MINDY2: variants seen among roughly 807,000 people sequenced by gnomAD.
MINDY2 encodes MINDY lysine 48 deubiquitinase 2.
MINDY2 carries 52 observed loss-of-function variants against 68.2 expected under a neutral mutation model. The observed-to-expected ratio is 0.76, with a 90% CI of 0.61 to 0.96. The LOEUF (loss-of-function observed/expected upper bound fraction) is 0.96, where lower values mean the gene tolerates loss of function less well. Ranked by LOEUF, MINDY2 falls within the 40% of genes least tolerant of loss-of-function variation. The probability of loss-of-function intolerance (pLI) is 0.00; values close to 1 mark genes in which losing one functional copy is unlikely to be tolerated. For missense variants in MINDY2, 881 were observed against 773.4 expected, an observed-to-expected ratio of 1.14 and a Z score of -1.65; for synonymous variants, 372 against 303.0, an observed-to-expected ratio of 1.23 and a Z score of -2.36.
chr15:58,853,481 C>T (rs2032930263), intron 8 of MINDY2, among the ~76,000 whole-genome samples: 1 of 152,080 alleles, frequency 6.6e-6, no homozygotes, highest in African/African-American at 2.4e-5. Context: ...ACTAAATACA[C>T]TTATTCCAAA....
chr15:58,773,868 G>A (rs936485676), intron 1 of MINDY2, among the ~76,000 whole-genome samples: 2 of 152,148 alleles, frequency 1.3e-5, no homozygotes, highest in Non-Finnish European at 2.9e-5. Context: ...CATGACAGAA[G>A]TGGTAAGCTA....
At chr15:58,787,735 T>TAA (rs1901603578) in intron 1 of MINDY2, among the ~76,000 whole-genome samples, 171 bp from the exon 2 acceptor site, 1 of 59,872 alleles carries the variant, frequency 1.7e-5, no homozygotes. Context: ...AGAGTCCGTC[T>TAA]CAAAAAAAAA....
At chr15:58,800,406 A>G (rs1902563691) in intron 2 of MINDY2, among the ~76,000 whole-genome samples, 1 of 151,838 alleles carries the variant, frequency 6.6e-6, no homozygotes, top group Admixed American at 6.6e-5. Context: ...AAGTATAAAG[A>G]TCCCTGTGAT....
Position 58,794,358 on chromosome 15 carries a change from G to GGTGTGTGTGTGTGTGT in MINDY2, c.898+6418_898+6433dup, listed in dbSNP as rs3985718. ...AAAGTAGAATAAAAGTTTTTTTTGG[G>GGTGTGTGTGTGTGTGT]GTGTGTGTGTGTGTGTGTGTGTGTG... On this transcript the variant is annotated intron_variant, in intron 2 of 8. Transcript: ENST00000559228. 9.3e-5 allele frequency among the ~76,000 whole-genome samples: 13 copies of GGTGTGTGTGTGTGTGT among 139,180 alleles called. No individual in the cohort carries two copies. The East Asian group carries it at 1.1e-3, about 12-fold the overall frequency. 91.3% of individuals were successfully genotyped at this position (139,180 alleles called of 152,430 possible). A position where few individuals can be genotyped will look rare whatever the true frequency, so the allele number is the denominator to read the frequency against.
At position 58,854,539 on chromosome 15, in the gene MINDY2, C is replaced by T. The variant is rs764573238; in HGVS notation, c.1795C>T (p.Arg599Cys). The change falls in exon 9 of 9, where the codon CGT becomes TGT. Residue 599 changes from arginine to cysteine, a missense_variant. Physicochemically the swap from Arg to Cys is radical, Grantham distance 180. Coordinates refer to ENST00000559228, the MANE Select transcript of MINDY2 (RefSeq NM_001040450.3). ...SSGRQSGNSERKRKEPREKDK... is the reference protein window; with the variant it reads ...SSGRQSGNSECKRKEPREKDK... ...TGGAAGACAATCTGGGAATAGTGAA[C>T]GTAAACGGAAGGAACCACGAGAAAA... The T allele has an allele frequency of 1.1e-5, 18 of 1,612,720 alleles. No homozygotes were observed. The highest frequency in any genetic ancestry group is 8.0e-5 in the African/African-American group (6 of 74,650).
At chr15:58,784,329 A>T (rs1214952698) in intron 1 of MINDY2, among the ~76,000 whole-genome samples, 1 of 152,120 alleles carries the variant, frequency 6.6e-6, no homozygotes, top group African/African-American at 2.4e-5. Context: ...GATGTCTTAA[A>T]AATAATAATA....
intron 1 of MINDY2, among the ~76,000 whole-genome samples, chr15:58,778,538 C>CAA (rs1343168186): frequency 7.1e-6 from 1 of 140,688 alleles, no homozygotes; most frequent in Non-Finnish European, 1.6e-5. Flanking sequence ...AGACACACAC[C>CAA]AAAAAAAAAA....
intron 1 of MINDY2, among the ~76,000 whole-genome samples, chr15:58,775,607 G>A (rs1437425793): frequency 4.6e-5 from 7 of 152,256 alleles, no homozygotes; most frequent in Non-Finnish European, 5.9e-5. Context: ...ATAATGTAGC[G>A]TTCCCAATGA....
intron 6 of MINDY2, 138 bp downstream of exon 6, chr15:58,832,054 A>C: frequency 4.2e-6 from 3 of 716,140 alleles, no homozygotes; most frequent in Non-Finnish European, 6.3e-6. Context: ...TAATTATTAA[A>C]TACAGTACTT....
Position 58,790,584 on chromosome 15 carries a change from TTAG to T in MINDY2, c.898+2623_898+2625del, listed in dbSNP as rs1271728748. 8.5e-3 allele frequency among the ~76,000 whole-genome samples: 1,037 copies of T among 121,766 alleles called. 10 individuals are homozygous for T. The highest frequency in any genetic ancestry group is 0.031 in the African/African-American group (934 of 30,380). 79.9% of individuals were successfully genotyped at this position (121,766 alleles called of 152,430 possible). ...CTAGCATTTATGTTGACAATAGACC[TTAG>T]TGGGGGGTAAGACAAGTGGGAAAAC... On this transcript the variant is annotated intron_variant, in intron 2 of 8. Coordinates refer to ENST00000559228, the MANE Select transcript of MINDY2 (RefSeq NM_001040450.3).
intron 5 of MINDY2, among the ~76,000 whole-genome samples, chr15:58,823,508 TA>T (rs1435788658): frequency 6.6e-6 from 1 of 151,758 alleles, no homozygotes; most frequent in African/African-American, 2.4e-5. Flanking sequence ...ATCCCATCTC[TA>T]AAAAATAAAA....
rs754987830 is a variant in MINDY2 at position 58,771,693 on chromosome 15, G to A, written c.298G>A (p.Ala100Thr). The change falls in exon 1 of 9, where the codon GCG becomes ACG. Residue 100 changes from alanine to threonine, a missense_variant. Transcript: ENST00000559228. ...SGLESPAAAEAPLRGQYKVTA... is the reference protein window; with the variant it reads ...SGLESPAAAETPLRGQYKVTA... ...TTTGGAGAGTCCTGCTGCCGCCGAG[G>A]CGCCTCTGAGAGGGCAGTACAAGGT... The A allele has an allele frequency of 1.9e-6, 3 of 1,612,500 alleles. No homozygotes were observed. In the South Asian group the frequency reaches 3.3e-5, roughly 18 times the overall value.
chr15:58,776,391 A>G (rs987114365), intron 1 of MINDY2, among the ~76,000 whole-genome samples: 24 of 152,170 alleles, frequency 1.6e-4, no homozygotes, highest in Non-Finnish European at 7.4e-5. Flanking sequence ...CTGGGGAAGG[A>G]GGGGAAGAAT....
chr15:58,779,986 T>C (rs1901029161), intron 1 of MINDY2, among the ~76,000 whole-genome samples: 1 of 152,210 alleles, frequency 6.6e-6, no homozygotes, highest in Non-Finnish European at 1.5e-5. Flanking sequence ...TAATAGTAAG[T>C]ACTCAGTTAT....
chr15:58,857,504 A>T lies in MINDY2; in HGVS notation c.*2894A>T, dbSNP rs1487546097. ...AGCTGAGATAGCACCACTGCATGCA[A>T]GCCTGGGCAATAGAGCGAGACTCCG... On this transcript the variant is annotated 3_prime_UTR_variant, in exon 9 of 9. Coordinates refer to ENST00000559228, the MANE Select transcript of MINDY2 (RefSeq NM_001040450.3). 1 of 132,242 alleles carries T rather than the reference A, an allele frequency of 7.6e-6. No individual in the cohort carries two copies. Among genetic ancestry groups the T allele is most frequent in the Non-Finnish European group, 1.5e-5 (1 of 64,734 alleles). The allele number at this position is 132,242 out of a possible 1,614,324, so 8.2% of individuals were successfully genotyped here.
rs1289303199 is a variant in MINDY2, at chr15:58,771,914, G to A, written c.519G>A (p.Leu173=). ...GCCCTCCTGGGGAATCTCCGAGCCT[G>A]GACTCTCTGGAGTCGTTCTCTAACC... The part of the protein sequence containing the change: ...DPSPPGESPS[L]DSLESFSNLH... Residue 173 remains leucine (L), a synonymous_variant, in exon 1 of 9, where the codon CTG becomes CTA. Coordinates refer to ENST00000559228, the MANE Select transcript of MINDY2 (RefSeq NM_001040450.3). 6.4e-7 allele frequency: 1 copy of A among 1,556,814 alleles called. No individual in the cohort carries two copies. The highest frequency in any genetic ancestry group is 8.7e-7 in the Non-Finnish European group (1 of 1,153,264).
In MINDY2 at chr15:58,857,346, C is replaced by G. The variant is rs1426072409; in HGVS notation, c.*2736C>G. ...ATCAGGAGTTCGAGACCAGCCTGGC[C>G]AACATGGCAAAACCCTGTCTCTACT... On this transcript the variant is annotated 3_prime_UTR_variant, in exon 9 of 9. Coordinates refer to ENST00000559228, the MANE Select transcript of MINDY2 (RefSeq NM_001040450.3). 1 of 152,012 alleles carries G rather than the reference C, an allele frequency of 6.6e-6. No homozygotes were observed. The highest frequency in any genetic ancestry group is 1.5e-5 in the Non-Finnish European group (1 of 68,054). 9.4% of individuals were successfully genotyped at this position (152,012 alleles called of 1,614,324 possible). A position where few individuals can be genotyped will look rare whatever the true frequency, so the allele number is the denominator to read the frequency against.
chr15:58,794,231 A>C (rs1902121840), intron 2 of MINDY2, among the ~76,000 whole-genome samples: 1 of 152,108 alleles, frequency 6.6e-6, no homozygotes, highest in Admixed American at 6.6e-5. Flanking sequence ...TTGAAGGAAA[A>C]TGTAATGAGA....
intron 1 of MINDY2, among the ~76,000 whole-genome samples, chr15:58,780,402 CAA>C (rs1339111068): frequency 3.1e-5 from 4 of 128,854 alleles, no homozygotes; most frequent in Admixed American, 7.9e-5. Flanking sequence ...AACTCCATCT[CAA>C]AAAAAAAAAA....
Sources: allele counts gnomAD v4.1 joint callset (sites outside exome capture counted in the v4.1 genomes callset), GRCh38; gene constraint gnomAD v4.1.1; transcripts MANE v1.5; gene names NCBI Gene and HGNC (gene_info 2026-07-23, HGNC 2026-07-21).